Variants in KL observed in about 807,000 individuals in gnomAD.
The protein encoded by KL is alpha-klotho.
In KL, 62 loss-of-function variants were observed where a neutral mutation model predicts 84.2. The observed-to-expected ratio is 0.74, with a 90% confidence interval of 0.60 to 0.91. The LOEUF is 0.91. KL is among the 40% of genes least tolerant of loss of function. The pLI is 0.00. For synonymous variants in KL, 528 were observed against 528.0 expected (o/e 1.00, Z 0.00); for missense variants, 1,261 against 1,305.7 (o/e 0.97, Z 0.53).
chr13:33,032,670 G>T (rs895927855), intron 1 of KL, among the ~76,000 whole-genome samples: 1 of 152,076 alleles, frequency 6.6e-6, no homozygotes, highest in African/African-American at 2.4e-5. Context: ...CAGATTCAAG[G>T]GGGAGGGTCC....
intron 1 of KL, among the ~76,000 whole-genome samples, chr13:33,043,561 A>T (rs1161351655): frequency 2.0e-5 from 3 of 152,016 alleles, no homozygotes; most frequent in Admixed American, 6.5e-5. Flanking sequence ...AGTGGGTGTG[A>T]GTGCTCGTTG....
chr13:33,041,617 A>G (rs1464949100), intron 1 of KL, among the ~76,000 whole-genome samples: 1 of 152,082 alleles, frequency 6.6e-6, no homozygotes, highest in Non-Finnish European at 1.5e-5. Flanking sequence ...AAATAGAGGC[A>G]CAGACTTCAG....
chr13:33,061,098 C>G lies in KL; in HGVS notation c.2019C>G (p.Cys673Trp), dbSNP rs199532486. 1 of 1,613,778 alleles carries G rather than the reference C, an allele frequency of 6.2e-7. No homozygotes were observed. Among genetic ancestry groups the G allele is most frequent in the East Asian group, 2.2e-5 (1 of 44,882 alleles). ...ALAFAEYARL[C>W]FQELGHHVKL... ...CCTTTGCAGAGTATGCCCGACTGTG[C>G]TTTCAAGAGCTCGGCCATCACGTCA... Residue 673 changes from cysteine (C) to tryptophan (W), a missense_variant, in exon 4 of 5, where the codon TGC (cysteine) becomes TGG (tryptophan). Cys to Trp is a radical substitution (Grantham distance 215). Coordinates refer to ENST00000380099, the MANE Select transcript of KL (RefSeq NM_004795.4).
At position 33,016,733 on chromosome 13, in the gene KL, T is replaced by A; in HGVS notation, c.293T>A (p.Leu98Gln). The change falls in exon 1 of 5, where the codon CTG becomes CAG. Residue 98 changes from leucine (L) to glutamine (Q), a missense_variant. Physicochemically the swap from Leu to Gln is moderately radical, Grantham distance 113 (BLOSUM62 -2). Transcript: ENST00000380099. ...SIWDTFTHHP[L>Q]APPGDSRNAS... ...TGGGATACGTTCACCCACCACCCCC[T>A]GGCACCCCCGGGAGACTCCCGGAAC... is the stretch of plus-strand genomic sequence containing the variant. 1.2e-6 allele frequency: 2 copies of A among 1,611,070 alleles called. No individual in the cohort carries two copies. Among genetic ancestry groups the A allele is most frequent in the Non-Finnish European group, 1.7e-6 (2 of 1,179,018 alleles).
rs1872336759 is a variant in KL at position 33,064,573 on chromosome 13, AG to A, written c.*388del. 3.6e-6 allele frequency: 1 copy of A among 278,948 alleles called. No homozygotes were observed. Among genetic ancestry groups the A allele is most frequent in the South Asian group, 7.9e-5 (1 of 12,710 alleles). 17.3% of individuals were successfully genotyped at this position (278,948 alleles called of 1,614,324 possible). On this transcript the variant is annotated 3_prime_UTR_variant, in exon 5 of 5. Transcript: ENST00000380099. ...TGTTTTTCTGGAAGTAGTAATTGCA[AG>A]AGTTCGAATAGAAAGTTATGTACCA... is the stretch of plus-strand genomic sequence containing the variant.
At chr13:33,035,162 A>G (rs752431367) in intron 1 of KL, among the ~76,000 whole-genome samples, 7 of 152,184 alleles carry the variant, frequency 4.6e-5, no homozygotes, top group Admixed American at 6.5e-5. Context: ...ATTTTCCTGT[A>G]ATTGTATCCT....
rs781749095 is a variant in KL, at chr13:33,055,144, C to T, written c.1428C>T (p.Leu476=). 1.9e-6 allele frequency: 3 copies of T among 1,614,206 alleles called. No individual in the cohort carries two copies. Among genetic ancestry groups the T allele is most frequent in the Non-Finnish European group, 1.7e-6 (2 of 1,180,034 alleles). ...WHRGYSIRRG[L]FYVDFLSQDK... ...GAGGTTACAGCATCAGGCGTGGACT[C>T]TTCTATGTTGACTTTCTAAGCCAGG... The change falls in exon 3 of 5, where the codon CTC becomes CTT. Residue 476 remains leucine (L), a synonymous_variant. Transcript: ENST00000380099.
At chr13:33,032,099 G>A (rs1010195240) in intron 1 of KL, among the ~76,000 whole-genome samples, 4 of 152,064 alleles carry the variant, frequency 2.6e-5, no homozygotes, top group South Asian at 2.1e-4. Context: ...TACATCTAGG[G>A]GTGTGCTAGC....
chr13:33,024,381 G>A (rs1243558922), intron 1 of KL, among the ~76,000 whole-genome samples: 2 of 152,184 alleles, frequency 1.3e-5, no homozygotes, highest in East Asian at 3.9e-4. Flanking sequence ...AGAGGGGAAA[G>A]TCGACCTATC....
rs148780309 is a variant in KL at position 33,041,744 on chromosome 13, C to T, written c.820-12023C>T. ...GGAATGCCCTTCCCGTACCCTCTAC[C>T]GCCTCTGCCCAATCCTCCGGGTTCT... On this transcript the variant is annotated intron_variant, in intron 1 of 4. Coordinates refer to ENST00000380099, the MANE Select transcript of KL (RefSeq NM_004795.4). Among the ~76,000 whole-genome samples the T allele has an allele frequency of 2.5e-3, 381 of 152,198 alleles. 3 individuals are homozygous for T. The highest frequency in any genetic ancestry group is 8.3e-3 in the African/African-American group (346 of 41,538).
In KL at chr13:33,061,732, CA is replaced by C; in HGVS notation, c.2654del (p.Gln885ArgfsTer2). The C allele has an allele frequency of 6.2e-7, 1 of 1,614,016 alleles. No individual in the cohort carries two copies. Among genetic ancestry groups the C allele is most frequent in the Non-Finnish European group, 8.5e-7 (1 of 1,179,966 alleles). Reference protein sequence around the residue: ...IDDGLHAEDDQLRVYYMQNYI... With the variant: ...IDDGLHAEDDXLRVYYMQNYI... ...TGACGGGCTGCATGCTGAGGACGAC[CA>C]GCTGAGGGTGTATTATATGCAGAAT... is the stretch of plus-strand genomic sequence containing the variant. On this transcript the variant is annotated frameshift_variant, in exon 4 of 5. Transcript: ENST00000380099. LOFTEE classifies it high-confidence loss of function.
chr13:33,023,612 T>G (rs1317313076), intron 1 of KL, among the ~76,000 whole-genome samples: 2 of 152,224 alleles, frequency 1.3e-5, no homozygotes, highest in Admixed American at 6.5e-5. Flanking sequence ...TACTAAAGTT[T>G]ATGACTGATA....
chr13:33,040,887 C>G (rs889631726), intron 1 of KL, among the ~76,000 whole-genome samples: 1 of 152,120 alleles, frequency 6.6e-6, no homozygotes, highest in South Asian at 2.1e-4. Flanking sequence ...GATTCCTCTT[C>G]CCCTCCTCAC....
intron 3 of KL, 44 bp from the exon 4 acceptor site, chr13:33,060,635 C>G: frequency 6.2e-7 from 1 of 1,612,800 alleles, no homozygotes; most frequent in Non-Finnish European, 8.5e-7. Context: ...ATTACTTCCT[C>G]AGGACTGCCC....
chr13:33,037,081 G>A (rs1825421072), intron 1 of KL, among the ~76,000 whole-genome samples: 2 of 152,172 alleles, frequency 1.3e-5, no homozygotes, highest in Admixed American at 1.3e-4. Flanking sequence ...TTGTGAAAAG[G>A]TCTTAATATA....
At chr13:33,029,894 A>G (rs1192325591) in intron 1 of KL, among the ~76,000 whole-genome samples, 1 of 151,244 alleles carries the variant, frequency 6.6e-6, no homozygotes, top group African/African-American at 2.4e-5. Flanking sequence ...CGGCCTCCCA[A>G]AGTGCTGGGA....
chr13:33,048,962 G>T (rs1282259709), intron 1 of KL, among the ~76,000 whole-genome samples: 1 of 152,114 alleles, frequency 6.6e-6, no homozygotes, highest in African/African-American at 2.4e-5. Flanking sequence ...TAGCTAGTTG[G>T]TAGGAAGGAA....
Position 33,055,135 on chromosome 13 carries a change from G to C in KL, c.1419G>C (p.Arg473Ser). Residue 473 changes from arginine to serine, a missense_variant, in exon 3 of 5, where the codon AGG becomes AGC. By Grantham distance (110) the Arg-to-Ser change is moderately radical (BLOSUM62 -1). Coordinates refer to ENST00000380099, the MANE Select transcript of KL (RefSeq NM_004795.4). ...GFEWHRGYSI[R>S]RGLFYVDFLS... is the part of the protein sequence containing the mutation. ...AGTGGCACAGAGGTTACAGCATCAG[G>C]CGTGGACTCTTCTATGTTGACTTTC... The C allele has an allele frequency of 6.2e-7, 1 of 1,614,186 alleles. No homozygotes were observed. The highest frequency in any genetic ancestry group is 8.5e-7 in the Non-Finnish European group (1 of 1,180,038).
chr13:33,050,492 G>A (rs562065856), intron 1 of KL, among the ~76,000 whole-genome samples: 3 of 152,196 alleles, frequency 2.0e-5, no homozygotes, highest in Admixed American at 6.5e-5. Flanking sequence ...GAGGGCCTCC[G>A]TGTGCCAGGG....
Sources: allele counts gnomAD v4.1 joint callset (sites outside exome capture counted in the v4.1 genomes callset), GRCh38; gene constraint gnomAD v4.1.1; transcripts MANE v1.5; gene names NCBI Gene and HGNC (gene_info 2026-07-23, HGNC 2026-07-21).